The following LPP variants were observed in gnomAD, a reference collection of about 807,000 sequenced individuals.
LPP encodes LIM domain containing preferred translocation partner in lipoma.
In LPP, 38 loss-of-function variants were observed where a neutral mutation model predicts 60.4. That is an observed-to-expected ratio of 0.63 (90% CI 0.49 to 0.83). The LOEUF (loss-of-function observed/expected upper bound fraction) is 0.83. Ranked by LOEUF, LPP falls within the 40% of genes least tolerant of loss-of-function variation. The pLI, the probability that LPP is intolerant of heterozygous loss-of-function variation, is 0.00. For synonymous variants in LPP, 328 were observed against 290.8 expected (o/e 1.13, Z -1.30); for missense variants, 902 against 783.6 (o/e 1.15, Z -1.80).
intron 6 of LPP, among the ~76,000 whole-genome samples, chr3:188,603,885 C>T (rs1030752366): frequency 1.3e-5 from 2 of 152,082 alleles, no homozygotes; most frequent in Admixed American, 1.3e-4. Flanking sequence ...TCTCTATGGC[C>T]TCAATTGTAT....
chr3:188,280,328 C>A (rs923180258), intron 2 of LPP, among the ~76,000 whole-genome samples: 2 of 152,136 alleles, frequency 1.3e-5, no homozygotes, highest in Non-Finnish European at 2.9e-5. Context: ...GTGGAATCGA[C>A]ATCATTAGGA....
rs186949483 is a variant in LPP, at chr3:188,499,625, G to C, written c.306+14921G>C. On this transcript the variant is annotated intron_variant, in intron 5 of 11. Coordinates refer to ENST00000617246, the MANE Select transcript of LPP (RefSeq NM_001375462.1). ...CATATTCCATATGAATTTTAGGATA[G>C]GTTTTTCTACTTTTTAAAAAATGTC... Among the ~76,000 whole-genome samples the C allele has an allele frequency of 1.2e-4, 19 of 152,176 alleles. No individual in the cohort carries two copies. The East Asian group carries it at 3.5e-3, about 28-fold the overall frequency.
At chr3:188,755,151 A>G (rs1324522701) in intron 8 of LPP, among the ~76,000 whole-genome samples, 2 of 152,240 alleles carry the variant, frequency 1.3e-5, no homozygotes, top group Non-Finnish European at 1.5e-5. Context: ...GTTCATTATC[A>G]TATTTAAAGG....
At chr3:188,766,934 T>C (rs1436521446) in intron 9 of LPP, among the ~76,000 whole-genome samples, 1 of 152,164 alleles carries the variant, frequency 6.6e-6, no homozygotes, top group East Asian at 1.9e-4. Flanking sequence ...AATGAGATCA[T>C]ACCTTAACTA....
chr3:188,397,361 T>C (rs1781192291), intron 3 of LPP, among the ~76,000 whole-genome samples: 1 of 152,216 alleles, frequency 6.6e-6, no homozygotes, highest in African/African-American at 2.4e-5. Flanking sequence ...GGGTTCTCTA[T>C]GACCTTTTAG....
intron 4 of LPP, among the ~76,000 whole-genome samples, chr3:188,458,251 G>T (rs1798217622): frequency 6.6e-6 from 1 of 152,142 alleles, no homozygotes; most frequent in South Asian, 2.1e-4. Flanking sequence ...AAAAGATTCA[G>T]CAGGGATTTA....
chr3:188,675,862 A>T (rs1443360755), intron 7 of LPP, among the ~76,000 whole-genome samples: 1 of 152,194 alleles, frequency 6.6e-6, no homozygotes, highest in Non-Finnish European at 1.5e-5. Context: ...GAAAGCACCC[A>T]GGAATCATGT....
intron 4 of LPP, among the ~76,000 whole-genome samples, chr3:188,423,901 G>T (rs1788568993): frequency 6.6e-6 from 1 of 151,626 alleles, no homozygotes. Context: ...CCATTCTGTA[G>T]GTTTCCTGTT....
chr3:188,835,937 AG>A (rs1369896465), intron 9 of LPP, among the ~76,000 whole-genome samples: 1 of 152,208 alleles, frequency 6.6e-6, no homozygotes, highest in Non-Finnish European at 1.5e-5. Context: ...ATCTTGTTCC[AG>A]GGTACTTCTT....
intron 4 of LPP, among the ~76,000 whole-genome samples, chr3:188,431,090 T>C (rs1790778567): frequency 1.3e-5 from 2 of 152,130 alleles, no homozygotes; most frequent in African/African-American, 4.8e-5. Context: ...TTGAATATGA[T>C]TCAGATGAAA....
In LPP at chr3:188,844,699, C is replaced by A. The variant is rs188661822; in HGVS notation, c.1411-21501C>A. Among the ~76,000 whole-genome samples, 162 of 152,306 alleles carry A rather than the reference C, an allele frequency of 1.1e-3. 3 individuals are homozygous for A. The highest frequency in any genetic ancestry group is 9.8e-3 in the Admixed American group (150 of 15,294). On this transcript the variant is annotated intron_variant, in intron 9 of 11. Coordinates refer to ENST00000617246, the MANE Select transcript of LPP (RefSeq NM_001375462.1). ...TCCATCTCTTTGGACATATGCTTTG[C>A]AGCACAGTGGAGCGGAAGGAGCGTA...
At chr3:188,235,803 T>C (rs1446126042) in intron 2 of LPP, among the ~76,000 whole-genome samples, 6 of 152,198 alleles carry the variant, frequency 3.9e-5, no homozygotes, top group Non-Finnish European at 7.3e-5. Context: ...TTGTCAATGA[T>C]TGGCTGTTTT....
intron 2 of LPP, among the ~76,000 whole-genome samples, chr3:188,329,753 A>G (rs1275139060): frequency 1.3e-5 from 2 of 152,178 alleles, no homozygotes; most frequent in African/African-American, 2.4e-5. Context: ...CATGTGTTGT[A>G]TTTGCCAAGA....
At chr3:188,209,959 A>G (rs1405061632) in intron 1 of LPP, among the ~76,000 whole-genome samples, 1 of 152,198 alleles carries the variant, frequency 6.6e-6, no homozygotes, top group Non-Finnish European at 1.5e-5. Flanking sequence ...CAGGAGAACA[A>G]CCAGAGTGAC....
At chr3:188,427,612 G>A (rs1300141229) in intron 4 of LPP, among the ~76,000 whole-genome samples, 1 of 152,184 alleles carries the variant, frequency 6.6e-6, no homozygotes, top group Non-Finnish European at 1.5e-5. Context: ...GCCCTGCCCA[G>A]AGAGGAGGAA....
At position 188,642,892 on chromosome 3, in the gene LPP, C is replaced by T. The variant is rs555304114; in HGVS notation, c.1113+33048C>T. Among the ~76,000 whole-genome samples, 5 of 151,438 alleles carry T rather than the reference C, an allele frequency of 3.3e-5. No individual in the cohort carries two copies. The South Asian group carries it at 8.3e-4, about 25-fold the overall frequency. On this transcript the variant is annotated intron_variant, in intron 7 of 11. Transcript: ENST00000617246. ...CAGAGGTTGCGGTAAGCTGAGATCG[C>T]ACCATTGCACTCTAGCCTGGGCAAC...
chr3:188,651,568 A>G (rs1852090596), intron 7 of LPP, among the ~76,000 whole-genome samples: 1 of 152,210 alleles, frequency 6.6e-6, no homozygotes, highest in African/African-American at 2.4e-5. Flanking sequence ...TTTACAAAAT[A>G]AAGAAGTTTC....
chr3:188,503,213 TC>T (rs1241882605), intron 5 of LPP, among the ~76,000 whole-genome samples: 3 of 152,122 alleles, frequency 2.0e-5, no homozygotes, highest in Non-Finnish European at 4.4e-5. Context: ...TAATTTGAAG[TC>T]ATACCAGCTT....
At chr3:188,428,985 T>C (rs539140273) in intron 4 of LPP, among the ~76,000 whole-genome samples, 1 of 152,268 alleles carries the variant, frequency 6.6e-6, no homozygotes, top group African/African-American at 2.4e-5. Context: ...TTCTTCACTT[T>C]TGAGTTATAA....
Sources: allele counts gnomAD v4.1 joint callset (sites outside exome capture counted in the v4.1 genomes callset), GRCh38; gene constraint gnomAD v4.1.1; transcripts MANE v1.5; gene names NCBI Gene and HGNC (gene_info 2026-07-23, HGNC 2026-07-21).